Variants in EXOC4 observed in about 807,000 individuals in gnomAD.
EXOC4 encodes the protein SEC8-like 1.
A neutral mutation model predicts 107.2 loss-of-function variants in EXOC4; 71 were observed. That is an observed-to-expected ratio of 0.66 (90% CI 0.55 to 0.81). The LOEUF is 0.81. Among genes scored for constraint, EXOC4 ranks in the 30% least tolerant of loss-of-function variants. The pLI is 0.00. For synonymous variants in EXOC4, 456 were observed against 441.2 expected (o/e 1.03, Z -0.42); for missense variants, 1,108 against 1,189.6 (o/e 0.93, Z 1.01).
intron 7 of EXOC4, among the ~76,000 whole-genome samples, chr7:133,434,237 A>G (rs1287025543): frequency 6.6e-6 from 1 of 152,152 alleles, no homozygotes; most frequent in Non-Finnish European, 1.5e-5. Context: ...AAACCTGCAC[A>G]TTGTTTAAAC....
chr7:133,833,485 T>G (rs1797854337), intron 11 of EXOC4, among the ~76,000 whole-genome samples: 1 of 152,248 alleles, frequency 6.6e-6, no homozygotes, highest in Non-Finnish European at 1.5e-5. Context: ...TTGTTTTTGT[T>G]AAGCTTCTGG....
intron 9 of EXOC4, among the ~76,000 whole-genome samples, chr7:133,622,709 C>T (rs1330374186): frequency 6.6e-6 from 1 of 152,030 alleles, no homozygotes; most frequent in Admixed American, 6.6e-5. Context: ...TAACCAGCTG[C>T]TTTATTTAGA....
At chr7:133,417,993 A>C (rs535184638) in intron 7 of EXOC4, among the ~76,000 whole-genome samples, 1 of 152,290 alleles carries the variant, frequency 6.6e-6, no homozygotes, top group South Asian at 2.1e-4. Flanking sequence ...TGTTTTACTA[A>C]AAAAGTAATT....
At chr7:133,599,552 G>T (rs1243352999) in intron 9 of EXOC4, among the ~76,000 whole-genome samples, 2 of 152,150 alleles carry the variant, frequency 1.3e-5, no homozygotes, top group Non-Finnish European at 2.9e-5. Context: ...ATACTTTGCT[G>T]AATATGATGT....
chr7:133,910,771 G>T (rs1200487221), intron 12 of EXOC4, among the ~76,000 whole-genome samples: 1 of 152,174 alleles, frequency 6.6e-6, no homozygotes, highest in East Asian at 1.9e-4. Flanking sequence ...CTTGTCCAAG[G>T]TTCATTTGTT....
intron 7 of EXOC4, among the ~76,000 whole-genome samples, chr7:133,382,498 G>A (rs1301888830): frequency 6.6e-6 from 1 of 152,080 alleles, no homozygotes; most frequent in African/African-American, 2.4e-5. Context: ...AAGTTTCTAT[G>A]TACAGTTTTA....
intron 9 of EXOC4, among the ~76,000 whole-genome samples, chr7:133,617,816 G>T (rs1802230388): frequency 6.6e-6 from 1 of 152,192 alleles, no homozygotes; most frequent in Non-Finnish European, 1.5e-5. Context: ...TCTGGGTAGT[G>T]TGAGGAAAGT....
chr7:133,779,283 G>A (rs1285443385), intron 10 of EXOC4, among the ~76,000 whole-genome samples: 2 of 152,072 alleles, frequency 1.3e-5, no homozygotes, highest in Non-Finnish European at 2.9e-5. Flanking sequence ...TGTATTTAAT[G>A]CCCCTGTCTA....
intron 10 of EXOC4, among the ~76,000 whole-genome samples, chr7:133,736,927 T>A (rs1434176680): frequency 6.6e-6 from 1 of 152,204 alleles, no homozygotes; most frequent in Non-Finnish European, 1.5e-5. Context: ...ACCTATTGTC[T>A]TGCTGAAATT....
At chr7:133,954,800 A>G (rs1305348174) in intron 14 of EXOC4, among the ~76,000 whole-genome samples, 2 of 152,212 alleles carry the variant, frequency 1.3e-5, no homozygotes, top group South Asian at 2.1e-4. Context: ...GCAAGTGAGC[A>G]TGGGCTCCAG....
At chr7:133,278,170 G>T (rs988668749) in intron 2 of EXOC4, among the ~76,000 whole-genome samples, 1 of 152,230 alleles carries the variant, frequency 6.6e-6, no homozygotes, top group Non-Finnish European at 1.5e-5. Context: ...ATGTGCAAAT[G>T]AGAGGATAGA....
At chr7:133,847,799 C>T (rs1298180969) in intron 11 of EXOC4, among the ~76,000 whole-genome samples, 3 of 151,754 alleles carry the variant, frequency 2.0e-5, no homozygotes, top group Non-Finnish European at 4.4e-5. Flanking sequence ...ACCTTCTCCT[C>T]CCAGGTTCAA....
chr7:133,997,137 C>T (rs1281363450), intron 14 of EXOC4, among the ~76,000 whole-genome samples: 1 of 152,172 alleles, frequency 6.6e-6, no homozygotes, highest in Non-Finnish European at 1.5e-5. Context: ...CTTGAAGGTG[C>T]ACAGAAGATG....
intron 10 of EXOC4, among the ~76,000 whole-genome samples, chr7:133,664,490 A>T (rs1030095267): frequency 2.0e-5 from 3 of 152,116 alleles, no homozygotes; most frequent in African/African-American, 7.2e-5. Flanking sequence ...ACAGTTTTCC[A>T]CCTCTGAACA....
intron 10 of EXOC4, among the ~76,000 whole-genome samples, chr7:133,805,297 A>G (rs1181633331): frequency 6.6e-6 from 1 of 152,226 alleles, no homozygotes; most frequent in Non-Finnish European, 1.5e-5. Context: ...ATTTGCCACA[A>G]TTTAGAAAAT....
At chr7:134,067,688 C>A (rs1048798443), downstream of EXOC4, among the ~76,000 whole-genome samples, 86 of 132,854 alleles carry the variant, frequency 6.5e-4, no homozygotes, top group African/African-American at 2.4e-3. Flanking sequence ...CAATTGTGTT[C>A]TTGGAAGTGC....
intron 14 of EXOC4, among the ~76,000 whole-genome samples, chr7:133,973,693 A>G (rs1793755458): frequency 6.6e-6 from 1 of 152,262 alleles, no homozygotes; most frequent in Admixed American, 6.5e-5. Context: ...ATGAATTGGA[A>G]AAGAATAATT....
At chr7:133,730,163 G>A (rs934149062) in intron 10 of EXOC4, among the ~76,000 whole-genome samples, 5 of 145,908 alleles carry the variant, frequency 3.4e-5, no homozygotes, top group Middle Eastern at 3.5e-3. Context: ...AAACAAAACC[G>A]CACACTAGAT....
At chr7:133,466,815 G>T (rs1798740533) in intron 7 of EXOC4, among the ~76,000 whole-genome samples, 1 of 152,074 alleles carries the variant, frequency 6.6e-6, no homozygotes, top group Admixed American at 6.5e-5. Flanking sequence ...ATTATACCAT[G>T]ATTCATTGGG....
Sources: gnomAD v4.1 joint callset for allele counts (sites outside exome capture counted in the v4.1 genomes callset) on GRCh38, gnomAD v4.1.1 for gene constraint, MANE v1.5 for transcripts, NCBI Gene and HGNC (gene_info 2026-07-23, HGNC 2026-07-21) for gene names.